The following CCDC63 variants were observed in gnomAD, a reference collection of about 807,000 sequenced individuals.
The protein encoded by CCDC63 is coiled-coil domain-containing protein 63.
In CCDC63, 54 loss-of-function variants were observed where a neutral mutation model predicts 63.6. The ratio of observed to expected loss-of-function variants is 0.85; its 90% confidence interval spans 0.68 to 1.07. The LOEUF is 1.07. CCDC63 is among the 50% of genes least tolerant of loss of function. The pLI is 0.00. For synonymous variants in CCDC63, 253 were observed against 266.1 expected, an observed-to-expected ratio of 0.95 and a Z score of 0.48; for missense variants, 637 against 689.6, an observed-to-expected ratio of 0.92 and a Z score of 0.86.
rs111256680 is a variant in CCDC63, at chr12:110,880,003, A to G, written c.587A>G (p.Tyr196Cys). ...GAGAAGGCTGCTTATGACAATGTCTACCAGCAGCTCCAGCACTGCCTGTTG... is the reference window on the plus strand; with the variant it reads ...GAGAAGGCTGCTTATGACAATGTCTGCCAGCAGCTCCAGCACTGCCTGTTG... The part of the protein sequence containing the change: ...RFEKAAYDNV[Y>C]QQLQHCLLME... Residue 196 changes from tyrosine (Y) to cysteine (C), a missense_variant, in exon 6 of 12, where the codon TAC (tyrosine) becomes TGC (cysteine). Coordinates refer to ENST00000308208, the MANE Select transcript of CCDC63 (RefSeq NM_152591.3). The G allele has an allele frequency of 9.3e-6, 15 of 1,614,188 alleles. No homozygotes were observed. In the African/African-American group the frequency reaches 1.3e-4, roughly 14 times the overall value.
intron 10 of CCDC63, among the ~76,000 whole-genome samples, chr12:110,903,621 A>AAATG (rs1359917792): frequency 1.3e-5 from 2 of 152,254 alleles, no homozygotes; most frequent in Non-Finnish European, 2.9e-5. Flanking sequence ...AATCATTTGC[A>AAATG]AATGAATGAA....
chr12:110,856,680 A>G (rs1431630394), intron 3 of CCDC63, among the ~76,000 whole-genome samples: 1 of 151,960 alleles, frequency 6.6e-6, no homozygotes, highest in Non-Finnish European at 1.5e-5. Context: ...GAACATTTTC[A>G]TCACTGCAGA....
chr12:110,857,377 G>A (rs1016539866), intron 3 of CCDC63, among the ~76,000 whole-genome samples: 1 of 151,504 alleles, frequency 6.6e-6, no homozygotes, highest in Admixed American at 6.6e-5. Context: ...CACTGGCCTC[G>A]GCCTCCTAAA....
intron 4 of CCDC63, among the ~76,000 whole-genome samples, chr12:110,873,098 T>C (rs1009542699): frequency 6.6e-6 from 1 of 152,082 alleles, no homozygotes; most frequent in East Asian, 1.9e-4. Flanking sequence ...TAGACAGGCA[T>C]GGCGGTGCAT....
upstream of CCDC63, among the ~76,000 whole-genome samples, chr12:110,844,972 G>C (rs2070622184): frequency 6.6e-6 from 1 of 152,104 alleles, no homozygotes; most frequent in South Asian, 2.1e-4. Context: ...CCTGTGTTCT[G>C]GAGGCTCTGC....
In CCDC63 at chr12:110,874,208, T is replaced by C. The variant is rs117916236; in HGVS notation, c.489+247T>C. ...TCTGGGATGCCTACTCTTAGTTCTCTGCCTCCAAACTTCCTGTTGGTTTTC... is the reference window on the plus strand; with the variant it reads ...TCTGGGATGCCTACTCTTAGTTCTCCGCCTCCAAACTTCCTGTTGGTTTTC... On this transcript the variant is annotated intron_variant, in intron 5 of 11. Coordinates refer to ENST00000308208, the MANE Select transcript of CCDC63 (RefSeq NM_152591.3). 7.3e-3 allele frequency among the ~76,000 whole-genome samples: 1,106 copies of C among 152,036 alleles called. 27 individuals carry two copies. The highest frequency in any genetic ancestry group is 0.072 in the East Asian group (372 of 5,178).
At chr12:110,852,808 C>T (rs2070720471) in intron 1 of CCDC63, 51 bp from the exon 2 acceptor site, 2 of 1,255,810 alleles carry the variant, frequency 1.6e-6, no homozygotes, top group East Asian at 4.6e-5. Flanking sequence ...CTGACCTGCA[C>T]CCCCAGCAGG....
intron 4 of CCDC63, among the ~76,000 whole-genome samples, chr12:110,870,203 C>T (rs11609385): frequency 0.29 from 44,747 of 152,006 alleles, 6,735 homozygotes; most frequent in African/African-American, 0.35. Flanking sequence ...TTTCCTCAAC[C>T]TCCCAAGTAG....
In CCDC63 at chr12:110,880,052, G is replaced by A. The variant is rs752370061; in HGVS notation, c.636G>A (p.Leu212=). The A allele has an allele frequency of 6.2e-7, 1 of 1,613,996 alleles. No homozygotes were observed. The highest frequency in any genetic ancestry group is 1.3e-5 in the African/African-American group (1 of 74,890). The change falls in exon 6 of 12, where the codon TTG becomes TTA. Residue 212 remains leucine, a synonymous_variant. Coordinates refer to ENST00000308208, the MANE Select transcript of CCDC63 (RefSeq NM_152591.3). ...TGATGGAGAAGAAAACCATGAACTT[G>A]GCCATTGAGCAATCTTCTCAGGCCT... is the stretch of plus-strand genomic sequence containing the variant. ...CLLMEKKTMN[L]AIEQSSQAYE...
At chr12:110,880,493 G>C (rs553498848) in intron 6 of CCDC63, among the ~76,000 whole-genome samples, 6 of 152,178 alleles carry the variant, frequency 3.9e-5, no homozygotes, top group Admixed American at 1.3e-4. Flanking sequence ...ACACTCATAG[G>C]AGCAAAAGGC....
chr12:110,883,934 C>T, intron 7 of CCDC63, 96 bp from the exon 8 acceptor site: 1 of 988,900 alleles, frequency 1.0e-6, no homozygotes, highest in East Asian at 2.4e-5. Flanking sequence ...GTCACCATGC[C>T]TGGCCACAAT....
At chr12:110,862,749 T>C (rs2070873662) in intron 4 of CCDC63, among the ~76,000 whole-genome samples, 1 of 151,894 alleles carries the variant, frequency 6.6e-6, no homozygotes, top group Non-Finnish European at 1.5e-5. Flanking sequence ...TCTTTTCTTT[T>C]TCTTTTCTTT....
chr12:110,846,709 T>G (rs1193124928), upstream of CCDC63: 1 of 152,428 alleles, frequency 6.6e-6, no homozygotes, highest in Admixed American at 6.5e-5. Context: ...GACCAGCGAT[T>G]GCATGGCGTT....
rs544144071 is a variant in CCDC63 at position 110,855,612 on chromosome 12, G to A, written c.179+2038G>A. Among the ~76,000 whole-genome samples, 18 of 152,072 alleles carry A rather than the reference G, an allele frequency of 1.2e-4. No individual in the cohort carries two copies. In the South Asian group the frequency reaches 2.3e-3, roughly 19 times the overall value. ...TATTTATTTTTTGAGATGGAGTTTC[G>A]CTCTTGTTGCCCAGGCTGGAGTGCA... is the stretch of plus-strand genomic sequence containing the variant. On this transcript the variant is annotated intron_variant, in intron 3 of 11. Coordinates refer to ENST00000308208, the MANE Select transcript of CCDC63 (RefSeq NM_152591.3).
intron 6 of CCDC63, 134 bp downstream of exon 6, chr12:110,880,221 G>C (rs1004108702): frequency 2.7e-6 from 2 of 753,914 alleles, no homozygotes; most frequent in Non-Finnish European, 4.4e-6. Context: ...TAATAATTCT[G>C]AGCACTGACT....
At chr12:110,895,236 C>T (rs2071404201) in intron 9 of CCDC63, among the ~76,000 whole-genome samples, 1 of 152,092 alleles carries the variant, frequency 6.6e-6, no homozygotes. Context: ...GCCTCAGCCT[C>T]CCGAGTAGCT....
At chr12:110,899,200 C>T in intron 10 of CCDC63, 75 bp downstream of exon 10, 2 of 1,350,716 alleles carry the variant, frequency 1.5e-6, no homozygotes, top group East Asian at 2.4e-5. Flanking sequence ...TAAGGCCTTG[C>T]TCTTATGGAG....
intron 4 of CCDC63, among the ~76,000 whole-genome samples, chr12:110,866,106 T>C (rs2070943714): frequency 6.6e-6 from 1 of 152,142 alleles, no homozygotes; most frequent in Non-Finnish European, 1.5e-5. Context: ...GCCTGCCAAG[T>C]AGCTGGGATT....
intron 2 of CCDC63, 74 bp from the exon 3 acceptor site, chr12:110,853,331 C>G: frequency 4.1e-6 from 6 of 1,468,384 alleles, no homozygotes; most frequent in Non-Finnish European, 5.5e-6. Flanking sequence ...CTGCCCTTCA[C>G]TCTTAAGCCC....
Sources: allele counts gnomAD v4.1 joint callset (sites outside exome capture counted in the v4.1 genomes callset), GRCh38; gene constraint gnomAD v4.1.1; transcripts MANE v1.5; gene names NCBI Gene and HGNC (gene_info 2026-07-23, HGNC 2026-07-21).